The following KCNU1 variants were observed in gnomAD, a reference collection of about 807,000 sequenced individuals.
KCNU1 encodes potassium calcium-activated channel subfamily U member 1, also known as potassium channel subfamily U member 1.
Under a neutral mutation model 126.8 loss-of-function variants are expected in KCNU1, and 93 were observed. The ratio of observed to expected loss-of-function variants is 0.73; its 90% CI spans 0.62 to 0.87. The LOEUF (loss-of-function observed/expected upper bound fraction) is 0.87. Among genes scored for constraint, KCNU1 ranks in the 40% least tolerant of loss-of-function variants. The probability of loss-of-function intolerance (pLI) is 0.00; values close to 1 mark genes in which losing one functional copy is unlikely to be tolerated. For synonymous variants in KCNU1, 523 were observed against 494.2 expected, an observed-to-expected ratio of 1.06 and a Z score of -0.77; for missense variants, 1,330 against 1,367.1, an observed-to-expected ratio of 0.97 and a Z score of 0.43.
chr8:36,912,036 T>A (rs969250112), intron 22 of KCNU1, among the ~76,000 whole-genome samples: 2 of 152,172 alleles, frequency 1.3e-5, no homozygotes, highest in Non-Finnish European at 2.9e-5. Context: ...TAAAAGTAAG[T>A]CATGACTGGA....
At position 36,784,954 on chromosome 8, in the gene KCNU1, A is replaced by T. The variant is rs2009969; in HGVS notation, c.195+349A>T. ...TTTAACAAGACAATTGTGCTAGGTC[A>T]TAGAAAGGAGGTGAAAGGGAACAAG... On this transcript the variant is annotated intron_variant, in intron 1 of 26. Transcript: ENST00000399881. Among the ~76,000 whole-genome samples, 15 of 152,260 alleles carry T rather than the reference A, an allele frequency of 9.9e-5. 3 individuals are homozygous for T. The highest frequency in any genetic ancestry group is 3.6e-4 in the African/African-American group (15 of 41,534).
At chr8:36,882,219 A>C (rs1160626124) in intron 19 of KCNU1, among the ~76,000 whole-genome samples, 1 of 152,172 alleles carries the variant, frequency 6.6e-6, no homozygotes, top group Non-Finnish European at 1.5e-5. Context: ...AGCCCATTTA[A>C]AAGTCCATAT....
At chr8:36,921,191 T>A (rs969283673) in intron 23 of KCNU1, among the ~76,000 whole-genome samples, 5 of 152,186 alleles carry the variant, frequency 3.3e-5, no homozygotes, top group African/African-American at 1.2e-4. Flanking sequence ...GCAGCCACAG[T>A]ATCCTCATTT....
chr8:36,809,920 TG>T (rs1219791169), intron 7 of KCNU1, among the ~76,000 whole-genome samples: 1 of 152,214 alleles, frequency 6.6e-6, no homozygotes, highest in East Asian at 1.9e-4. Context: ...CTGACTTTTA[TG>T]AAGAGCTCAT....
chr8:36,866,547 C>G (rs1805917668), intron 19 of KCNU1, among the ~76,000 whole-genome samples: 1 of 152,076 alleles, frequency 6.6e-6, no homozygotes, highest in Non-Finnish European at 1.5e-5. Context: ...TTCAGGGACC[C>G]AAATTTTGCC....
At chr8:36,834,583 C>T (rs1191841757) in intron 11 of KCNU1, among the ~76,000 whole-genome samples, 1 of 152,218 alleles carries the variant, frequency 6.6e-6, no homozygotes, top group Non-Finnish European at 1.5e-5. Flanking sequence ...TGTCCTAGCC[C>T]ATCAGCTGCA....
chr8:36,901,546 A>G (rs1016659493), intron 19 of KCNU1, among the ~76,000 whole-genome samples: 7 of 152,142 alleles, frequency 4.6e-5, no homozygotes, highest in Admixed American at 1.3e-4. Context: ...CAACCCAAAG[A>G]AAAGCAGTCA....
At chr8:36,826,125 A>C (rs1804310608) in intron 10 of KCNU1, among the ~76,000 whole-genome samples, 1 of 151,608 alleles carries the variant, frequency 6.6e-6, no homozygotes, top group African/African-American at 2.4e-5. Context: ...CCGGGATTCT[A>C]ATTACAGGTT....
chr8:36,852,623 A>G (rs35025232), intron 18 of KCNU1, among the ~76,000 whole-genome samples: 47,116 of 152,010 alleles, frequency 0.31, 8,710 homozygotes, highest in Non-Finnish European at 0.41. Flanking sequence ...AATCCACATT[A>G]TCAAATTTAT....
At chr8:36,828,971 A>G (rs1804425992) in intron 10 of KCNU1, among the ~76,000 whole-genome samples, 1 of 152,040 alleles carries the variant, frequency 6.6e-6, no homozygotes, top group Non-Finnish European at 1.5e-5. Context: ...ATCAATGTCA[A>G]ATGGAACCTT....
chr8:36,799,281 G>C (rs923596107), intron 2 of KCNU1, among the ~76,000 whole-genome samples: 2 of 152,020 alleles, frequency 1.3e-5, no homozygotes, highest in Non-Finnish European at 2.9e-5. Context: ...TTCCAATATA[G>C]AAAGGTATAG....
At chr8:36,867,612 C>T (rs1476141088) in intron 19 of KCNU1, among the ~76,000 whole-genome samples, 1 of 152,122 alleles carries the variant, frequency 6.6e-6, no homozygotes, top group Non-Finnish European at 1.5e-5. Flanking sequence ...TTTATTCTCT[C>T]ACACGTCTTC....
intron 14 of KCNU1, 81 bp downstream of exon 14, chr8:36,837,026 A>G: frequency 1.4e-6 from 2 of 1,401,428 alleles, no homozygotes; most frequent in Non-Finnish European, 2.0e-6. Context: ...AAAAAATTTG[A>G]GAAAAGCATC....
intron 19 of KCNU1, among the ~76,000 whole-genome samples, chr8:36,871,061 A>G (rs1417693389): frequency 1.3e-5 from 2 of 152,232 alleles, no homozygotes; most frequent in Admixed American, 6.5e-5. Flanking sequence ...AGTTTAATAA[A>G]TATCTTCATC....
chr8:36,900,655 C>A (rs943802178), intron 19 of KCNU1, among the ~76,000 whole-genome samples: 2 of 151,974 alleles, frequency 1.3e-5, no homozygotes, highest in Admixed American at 1.3e-4. Context: ...AACTGAATAG[C>A]CTTGCTATTT....
chr8:36,904,285 C>T (rs964475194), intron 19 of KCNU1, among the ~76,000 whole-genome samples: 1 of 152,260 alleles, frequency 6.6e-6, no homozygotes, highest in Middle Eastern at 3.4e-3. Context: ...CTCAAGGTGC[C>T]CACTGGAGCA....
chr8:36,787,170 T>A (rs1802736223), intron 1 of KCNU1, 136 bp from the exon 2 acceptor site: 1 of 693,604 alleles, frequency 1.4e-6, no homozygotes, highest in Non-Finnish European at 2.2e-6. Flanking sequence ...ATAAGCAACT[T>A]CAGGGTTCCC....
chr8:36,833,166 T>C (rs1210860005), intron 10 of KCNU1, among the ~76,000 whole-genome samples: 1 of 152,292 alleles, frequency 6.6e-6, no homozygotes, highest in African/African-American at 2.4e-5. Context: ...TAAACATGTG[T>C]GTTCAAAATC....
chr8:36,821,928 T>C (rs749542354), intron 10 of KCNU1, among the ~76,000 whole-genome samples: 1 of 152,162 alleles, frequency 6.6e-6, no homozygotes, highest in Non-Finnish European at 1.5e-5. Context: ...TAAGCAACGA[T>C]GTTTGACAGG....
Sources: allele counts gnomAD v4.1 joint callset (sites outside exome capture counted in the v4.1 genomes callset), GRCh38; gene constraint gnomAD v4.1.1; transcripts MANE v1.5; gene names NCBI Gene and HGNC (gene_info 2026-07-23, HGNC 2026-07-21).